Variants in USP32 observed in about 807,000 individuals in gnomAD.
USP32 encodes the protein ubiquitin specific peptidase 32.
In USP32, 59 loss-of-function variants were observed where a neutral mutation model predicts 204.8. That is an observed-to-expected ratio of 0.29 (90% CI 0.23 to 0.36). The LOEUF is 0.36. Among genes scored for constraint, USP32 ranks in the 10% least tolerant of loss-of-function variants. The pLI, the probability that USP32 is intolerant of heterozygous loss-of-function variation, is 1.00. For synonymous variants in USP32, 517 were observed against 678.4 expected, an observed-to-expected ratio of 0.76 and a Z score of 3.70; for missense variants, 1,160 against 1,946.4, an observed-to-expected ratio of 0.60 and a Z score of 7.60.
chr17:60,238,343 G>T (rs1176933506), intron 11 of USP32, among the ~76,000 whole-genome samples: 1 of 151,874 alleles, frequency 6.6e-6, no homozygotes, highest in Non-Finnish European at 1.5e-5. Context: ...GGTTTTTTTG[G>T]TTTTAAAAAT....
chr17:60,234,856 C>T (rs536805341), intron 12 of USP32, among the ~76,000 whole-genome samples: 97 of 152,148 alleles, frequency 6.4e-4, no homozygotes, highest in Non-Finnish European at 1.2e-3. Flanking sequence ...AGATTACAGG[C>T]CCAGCCAGAC....
At chr17:60,220,710 C>G (rs2085224003) in intron 15 of USP32, among the ~76,000 whole-genome samples, 1 of 151,892 alleles carries the variant, frequency 6.6e-6, no homozygotes, top group Admixed American at 6.6e-5. Context: ...GTGGCCCGAT[C>G]TCGGCTCACC....
Position 60,297,518 on chromosome 17 carries a change from G to A in USP32, c.293-2717C>T, listed in dbSNP as rs761027827. On this transcript the variant is annotated intron_variant, in intron 3 of 33. Coordinates refer to ENST00000300896, the MANE Select transcript of USP32 (RefSeq NM_032582.4). Reference sequence around the variant, plus strand: ...GGTTGGAGTGCAGTGGCGCAATCTCGGCTCACTGCAACCTCCACCTCCTGG... The same window carrying A: ...GGTTGGAGTGCAGTGGCGCAATCTCAGCTCACTGCAACCTCCACCTCCTGG... 4.0e-5 allele frequency among the ~76,000 whole-genome samples: 6 copies of A among 150,502 alleles called. 1 individual carries two copies. In the East Asian group the frequency reaches 7.8e-4, roughly 20 times the overall value.
chr17:60,388,139 C>A (rs533016219), intron 1 of USP32, among the ~76,000 whole-genome samples: 12 of 152,114 alleles, frequency 7.9e-5, no homozygotes, highest in Non-Finnish European at 1.2e-4. Context: ...GAATCCATAA[C>A]ATAACTTTTT....
chr17:60,332,065 A>C (rs1365335640), intron 2 of USP32, among the ~76,000 whole-genome samples: 19 of 152,152 alleles, frequency 1.2e-4, no homozygotes, highest in Admixed American at 1.2e-3. Flanking sequence ...CAACATAGCG[A>C]AACCCCATCT....
At chr17:60,273,903 T>A (rs1029261156) in intron 5 of USP32, among the ~76,000 whole-genome samples, 1 of 131,938 alleles carries the variant, frequency 7.6e-6, no homozygotes. Flanking sequence ...GAGGCTGCAG[T>A]GAGCCGAGAT....
At chr17:60,286,940 G>C (rs577859686) in intron 5 of USP32, among the ~76,000 whole-genome samples, 34 of 152,256 alleles carry the variant, frequency 2.2e-4, no homozygotes, top group South Asian at 1.9e-3. Context: ...TTGAGGTCAG[G>C]AGTTTGAAAC....
chr17:60,265,886 C>T, intron 8 of USP32, 90 bp downstream of exon 8: 3 of 1,008,250 alleles, frequency 3.0e-6, no homozygotes, highest in Non-Finnish European at 4.5e-6. Context: ...AAAGCAGTAA[C>T]AAATTATTTT....
intron 5 of USP32, among the ~76,000 whole-genome samples, chr17:60,287,739 G>C (rs2087153008): frequency 6.6e-6 from 1 of 152,020 alleles, no homozygotes; most frequent in South Asian, 2.1e-4. Flanking sequence ...CTTCATTAAG[G>C]ACAATTCACA....
chr17:60,414,272 A>C (rs1350132909), intron 1 of USP32, among the ~76,000 whole-genome samples: 1 of 151,812 alleles, frequency 6.6e-6, no homozygotes, highest in Non-Finnish European at 1.5e-5. Flanking sequence ...CTGTGGCAGG[A>C]GAATTGCTTG....
chr17:60,372,848 A>C (rs1481205961), intron 1 of USP32, among the ~76,000 whole-genome samples: 134 of 148,906 alleles, frequency 9.0e-4, no homozygotes, highest in African/African-American at 2.9e-3. Flanking sequence ...CCCTGTCTAA[A>C]AAAAAAAAAA....
chr17:60,263,625 C>T (rs987411975), intron 9 of USP32, among the ~76,000 whole-genome samples: 3 of 152,112 alleles, frequency 2.0e-5, no homozygotes, highest in Admixed American at 6.5e-5. Flanking sequence ...ACTTATGAAA[C>T]ACTTAGAAAA....
chr17:60,373,130 C>T (rs2089473293), intron 1 of USP32, among the ~76,000 whole-genome samples: 1 of 152,258 alleles, frequency 6.6e-6, no homozygotes, highest in African/African-American at 2.4e-5. Context: ...GAGCTCGAGG[C>T]TACAGTAAGC....
intron 2 of USP32, among the ~76,000 whole-genome samples, chr17:60,327,857 T>C (rs2088283266): frequency 6.6e-6 from 1 of 152,090 alleles, no homozygotes; most frequent in Non-Finnish European, 1.5e-5. Context: ...CCCGGCCAGG[T>C]ATGTGGACAC....
intron 2 of USP32, among the ~76,000 whole-genome samples, chr17:60,323,470 G>A (rs866106769): frequency 1.3e-5 from 2 of 152,176 alleles, no homozygotes; most frequent in Non-Finnish European, 2.9e-5. Flanking sequence ...TGAGAGGAGA[G>A]GATGAAGAAA....
In USP32 at chr17:60,219,787, C is replaced by T; in HGVS notation, c.1750G>A (p.Val584Ile). 1.9e-6 allele frequency: 3 copies of T among 1,607,740 alleles called. No homozygotes were observed. Among genetic ancestry groups the T allele is most frequent in the Non-Finnish European group, 2.5e-6 (3 of 1,177,616 alleles). The change falls in exon 16 of 34, where the codon GTT becomes ATT. Residue 584 changes from valine to isoleucine, a missense_variant and splice_region_variant. Coordinates refer to ENST00000300896, the MANE Select transcript of USP32 (RefSeq NM_032582.4). ...YGANLALPRP[V>I]IKNSKTDIPE... ...ATGTCTGTCTTGCTGTTCTTGATAA[C>T]CTATTGTTTTAAAAGATAAAAAGAG...
At chr17:60,339,470 C>T (rs2088604315) in intron 2 of USP32, among the ~76,000 whole-genome samples, 3 of 151,092 alleles carry the variant, frequency 2.0e-5, no homozygotes, top group Non-Finnish European at 4.4e-5. Flanking sequence ...GCAATCCCAG[C>T]TACTTGGGAG....
intron 11 of USP32, among the ~76,000 whole-genome samples, chr17:60,246,237 T>C (rs1320203884): frequency 2.0e-5 from 3 of 152,198 alleles, no homozygotes; most frequent in Non-Finnish European, 2.9e-5. Flanking sequence ...CGAGATCAAC[T>C]TTTTTAGCTC....
At chr17:60,315,348 C>A (rs1025908734) in intron 2 of USP32, among the ~76,000 whole-genome samples, 1 of 151,978 alleles carries the variant, frequency 6.6e-6, no homozygotes, top group Non-Finnish European at 1.5e-5. Flanking sequence ...TGCAGTGAGC[C>A]GAGATCACGC....
Sources: allele counts gnomAD v4.1 joint callset (sites outside exome capture counted in the v4.1 genomes callset), GRCh38; gene constraint gnomAD v4.1.1; transcripts MANE v1.5; gene names NCBI Gene and HGNC (gene_info 2026-07-23, HGNC 2026-07-21).